The following POLR3D variants were observed in gnomAD, a reference collection of about 807,000 sequenced individuals.
POLR3D encodes RNA polymerase III subunit D.
A neutral mutation model predicts 44.5 loss-of-function variants in POLR3D; 42 were observed. The ratio of observed to expected loss-of-function variants is 0.94; its 90% CI spans 0.74 to 1.22. POLR3D has a LOEUF of 1.22. Ranked by LOEUF, POLR3D falls within the 50% of genes most tolerant of loss-of-function variation. POLR3D has a pLI of 0.00. For missense variants in POLR3D, 507 were observed against 505.2 expected (o/e 1.00, Z -0.03); for synonymous variants, 217 against 198.1 (o/e 1.10, Z -0.80).
chr8:22,251,196 A>T lies in POLR3D; in HGVS notation c.*678A>T, dbSNP rs530784889. On this transcript the variant is annotated 3_prime_UTR_variant, in exon 9 of 9. Coordinates refer to ENST00000306433, the MANE Select transcript of POLR3D (RefSeq NM_001722.3). ...GAGTCTATTTTCAAACAAAATAGAG[A>T]TTCTAAATCTCCCAGAAGCAGCGAC... is the stretch of plus-strand genomic sequence containing the variant. 1 of 153,142 alleles carries T rather than the reference A, an allele frequency of 6.5e-6. No individual in the cohort carries two copies. The highest frequency in any genetic ancestry group is 1.9e-4 in the East Asian group (1 of 5,174). The allele number at this position is 153,142 out of a possible 1,614,324, so 9.5% of individuals were successfully genotyped here. A position where few individuals can be genotyped will look rare whatever the true frequency, so the allele number is the denominator to read the frequency against.
chr8:22,248,046 C>A (rs1318548097), intron 4 of POLR3D, 38 bp downstream of exon 4: 2 of 1,608,408 alleles, frequency 1.2e-6, no homozygotes, highest in South Asian at 2.2e-5. Context: ...GTTCAGACTG[C>A]CCCAGAGAAG....
chr8:22,247,908 C>G lies in POLR3D; in HGVS notation c.261C>G (p.Asp87Glu), dbSNP rs1830058762. 6.2e-7 allele frequency: 1 copy of G among 1,613,978 alleles called. No individual in the cohort carries two copies. Among genetic ancestry groups the G allele is most frequent in the Non-Finnish European group, 8.5e-7 (1 of 1,180,026 alleles). The change falls in exon 4 of 9, where the codon GAC (aspartate) becomes GAG (glutamate). Residue 87 changes from aspartate (D) to glutamate (E), a missense_variant. Transcript: ENST00000306433. ...VKKEKRERDR[D>E]RQREGHGRGR... Reference sequence around the variant, plus strand: ...AGGAGAAGCGTGAAAGGGACAGAGACCGACAACGAGAGGGGCATGGACGAG... The same window carrying G: ...AGGAGAAGCGTGAAAGGGACAGAGAGCGACAACGAGAGGGGCATGGACGAG...
Position 22,253,034 on chromosome 8 carries a change from A to G in POLR3D, c.*2516A>G, listed in dbSNP as rs959985048. The G allele has an allele frequency of 3.9e-5, 6 of 152,224 alleles. No individual in the cohort carries two copies. The highest frequency in any genetic ancestry group is 1.4e-4 in the African/African-American group (6 of 41,460). 9.4% of individuals were successfully genotyped at this position (152,224 alleles called of 1,614,324 possible). A position where few individuals can be genotyped will look rare whatever the true frequency, so the allele number is the denominator to read the frequency against. On this transcript the variant is annotated 3_prime_UTR_variant, in exon 9 of 9. Coordinates refer to ENST00000306433, the MANE Select transcript of POLR3D (RefSeq NM_001722.3). Reference sequence around the variant, plus strand: ...GGTGCCAGACAGATAACTGCCTATAACAGGATGTGATCAGCACAAGTAACA... The same window carrying G: ...GGTGCCAGACAGATAACTGCCTATAGCAGGATGTGATCAGCACAAGTAACA...
Position 22,254,314 on chromosome 8 carries a change from A to T in POLR3D, c.*3796A>T, listed in dbSNP as rs550192565. The T allele has an allele frequency of 1.3e-5, 2 of 152,092 alleles. No individual in the cohort carries two copies. The highest frequency in any genetic ancestry group is 2.1e-4 in the South Asian group (1 of 4,826). 9.4% of individuals were successfully genotyped at this position (152,092 alleles called of 1,614,324 possible). ...ATTATTTCAGCCTCCAAAATTTTGTATGTTATTTATAATGATATAAATTAT... is the reference window on the plus strand; with the variant it reads ...ATTATTTCAGCCTCCAAAATTTTGTTTGTTATTTATAATGATATAAATTAT... On this transcript the variant is annotated 3_prime_UTR_variant, in exon 9 of 9. Transcript: ENST00000306433.
chr8:22,248,202 TC>T lies in POLR3D; in HGVS notation c.411del (p.Ile138SerfsTer32). ...VDVSDMGPSH[I>X]INIKKEKRET... ...GTGTCAGACATGGGACCTTCTCATA[TC>T]ATCAACATCAAAAAAGAGAAGAGAG... On this transcript the variant is annotated frameshift_variant, in exon 5 of 9. Transcript: ENST00000306433. LOFTEE classifies it high-confidence loss of function. 6.2e-7 allele frequency: 1 copy of T among 1,614,140 alleles called. No individual in the cohort carries two copies. The highest frequency in any genetic ancestry group is 1.1e-5 in the South Asian group (1 of 91,076).
At chr8:22,249,667 C>G (rs1563320381) in intron 7 of POLR3D, among the ~76,000 whole-genome samples, 1 of 152,094 alleles carries the variant, frequency 6.6e-6, no homozygotes, top group Non-Finnish European at 1.5e-5. Flanking sequence ...ATGGCTAATA[C>G]AAAAATTAGC....
chr8:22,250,630 A>T lies in POLR3D; in HGVS notation c.*112A>T. 7.4e-7 allele frequency: 1 copy of T among 1,343,596 alleles called. No homozygotes were observed. Among genetic ancestry groups the T allele is most frequent in the Non-Finnish European group, 1.0e-6 (1 of 960,576 alleles). The allele number at this position is 1,343,596 out of a possible 1,614,324, so 83.2% of individuals were successfully genotyped here. A position where few individuals can be genotyped will look rare whatever the true frequency, so the allele number is the denominator to read the frequency against. ...GGGGCCCACTGAGCCCACTCACTCC[A>T]GCCTTTGGCAACCATTGTTCCAGGT... On this transcript the variant is annotated 3_prime_UTR_variant, in exon 9 of 9. Coordinates refer to ENST00000306433, the MANE Select transcript of POLR3D (RefSeq NM_001722.3).
chr8:22,252,180 T>G lies in POLR3D; in HGVS notation c.*1662T>G, dbSNP rs1042092566. 1 of 153,812 alleles carries G rather than the reference T, an allele frequency of 6.5e-6. No individual in the cohort carries two copies. The highest frequency in any genetic ancestry group is 1.5e-5 in the Non-Finnish European group (1 of 68,062). The allele number at this position is 153,812 out of a possible 1,614,324, so 9.5% of individuals were successfully genotyped here. On this transcript the variant is annotated 3_prime_UTR_variant, in exon 9 of 9. Coordinates refer to ENST00000306433, the MANE Select transcript of POLR3D (RefSeq NM_001722.3). ...TCAGCTCCATTGGACAGTGTTATTCTGGGCTCTTCTCACTGTAGAGGACTG... is the reference window on the plus strand; with the variant it reads ...TCAGCTCCATTGGACAGTGTTATTCGGGGCTCTTCTCACTGTAGAGGACTG...
At chr8:22,250,350 C>G (rs374398607) in intron 8 of POLR3D, 46 bp from the exon 9 acceptor site, 4 of 1,612,976 alleles carry the variant, frequency 2.5e-6, no homozygotes, top group Middle Eastern at 1.6e-4. Flanking sequence ...CTCTACACGC[C>G]GGGCACGTGG....
intron 6 of POLR3D, 73 bp from the exon 7 acceptor site, chr8:22,248,971 C>T: frequency 6.5e-7 from 1 of 1,537,464 alleles, no homozygotes; most frequent in Non-Finnish European, 8.9e-7. Flanking sequence ...CAGACAGGGG[C>T]AAAGGGCTGG....
At chr8:22,246,521 C>T (rs1489983688) in intron 2 of POLR3D, among the ~76,000 whole-genome samples, 7 of 152,100 alleles carry the variant, frequency 4.6e-5, no homozygotes, top group African/African-American at 1.7e-4. Context: ...TCTCAGCTCA[C>T]TGCAACCTCC....
At chr8:22,247,391 A>G (rs1830054564) in intron 3 of POLR3D, 127 bp downstream of exon 3, 1 of 660,440 alleles carries the variant, frequency 1.5e-6, no homozygotes, top group Admixed American at 2.6e-5. Context: ...TTCACTAGTG[A>G]TTTTCAACCC....
rs1830060194 is a variant in POLR3D at position 22,247,990 on chromosome 8, G to A, written c.343G>A (p.Glu115Lys). 1.9e-6 allele frequency: 3 copies of A among 1,613,750 alleles called. No individual in the cohort carries two copies. The highest frequency in any genetic ancestry group is 1.7e-6 in the Non-Finnish European group (2 of 1,179,782). The change falls in exon 4 of 9, where the codon GAA becomes AAA. Residue 115 changes from glutamate to lysine, a missense_variant. Physicochemically the swap from Glu to Lys is moderately conservative, Grantham distance 56. Transcript: ENST00000306433. Reference sequence around the variant, plus strand: ...CTCCATCTTTGAGCAGGGCCCAGCTGAAATGATGAAGAAAAAAGGTATAAG... The same window carrying A: ...CTCCATCTTTGAGCAGGGCCCAGCTAAAATGATGAAGAAAAAAGGTATAAG... ...SHSIFEQGPA[E>K]MMKKKGNWDK...
chr8:22,246,307 T>C (rs1388997226), intron 2 of POLR3D, among the ~76,000 whole-genome samples: 1 of 151,242 alleles, frequency 6.6e-6, no homozygotes, highest in African/African-American at 2.4e-5. Context: ...TTTGTATTTT[T>C]AGTAGACACA....
At position 22,248,747 on chromosome 8, in the gene POLR3D, G is replaced by A. The variant is rs761267078; in HGVS notation, c.655+98G>A. ...TTGCATGTGCCCCTGACTGCTGCTC[G>A]TGAGCAGGTCCTCCCATTCCGGCTG... is the stretch of plus-strand genomic sequence containing the variant. On this transcript the variant is annotated intron_variant, in intron 6 of 8. Transcript: ENST00000306433. 327 of 1,179,834 alleles carry A rather than the reference G, an allele frequency of 2.8e-4. 2 individuals carry two copies. The highest frequency in any genetic ancestry group is 7.8e-5 in the Non-Finnish European group (64 of 816,458). The allele number at this position is 1,179,834 out of a possible 1,614,324, so 73.1% of individuals were successfully genotyped here. A position where few individuals can be genotyped will look rare whatever the true frequency, so the allele number is the denominator to read the frequency against.
chr8:22,245,692 G>T, intron 2 of POLR3D, 78 bp downstream of exon 2: 1 of 1,036,916 alleles, frequency 9.6e-7, no homozygotes, highest in Middle Eastern at 2.2e-4. Context: ...GTTTGTGTAG[G>T]ACCTACTGTG....
At chr8:22,245,337 C>A in intron 1 of POLR3D, 108 bp from the exon 2 acceptor site, 2 of 756,590 alleles carry the variant, frequency 2.6e-6, no homozygotes, top group Non-Finnish European at 3.8e-6. Flanking sequence ...AGCTGAGAGG[C>A]CACTGGAGGG....
intron 4 of POLR3D, 42 bp from the exon 5 acceptor site, chr8:22,248,112 T>C (rs781644548): frequency 1.4e-5 from 23 of 1,611,310 alleles, no homozygotes; most frequent in Non-Finnish European, 2.0e-5. Context: ...CTGTTGGGCA[T>C]CTTCCTTATC....
rs761487828 is a variant in POLR3D at position 22,247,264 on chromosome 8, A to C, written c.209A>C (p.Glu70Ala). Residue 70 changes from glutamate to alanine, a missense_variant and splice_region_variant, in exon 3 of 9, where the codon GAG (glutamate) becomes GCG (alanine). Physicochemically the swap from Glu to Ala is moderately radical, Grantham distance 107. Transcript: ENST00000306433. Reference sequence around the variant, plus strand: ...ATCATCAGTCGGAAGATCAAGGAAGAGTAAGTAGCTAGGCCTTCTGAATAC... The same window carrying C: ...ATCATCAGTCGGAAGATCAAGGAAGCGTAAGTAGCTAGGCCTTCTGAATAC... The part of the protein sequence containing the change: ...PNIISRKIKE[E>A]PKEEVTVKKE... The C allele has an allele frequency of 6.2e-7, 1 of 1,612,808 alleles. No homozygotes were observed. Among genetic ancestry groups the C allele is most frequent in the Non-Finnish European group, 8.5e-7 (1 of 1,178,844 alleles).
Sources: allele counts gnomAD v4.1 joint callset (sites outside exome capture counted in the v4.1 genomes callset), GRCh38; gene constraint gnomAD v4.1.1; transcripts MANE v1.5; gene names NCBI Gene and HGNC (gene_info 2026-07-23, HGNC 2026-07-21).